Variants in ADAMTSL1 observed in about 807,000 individuals in gnomAD.
The protein encoded by ADAMTSL1 is ADAMTS like 1.
ADAMTSL1 carries 126 observed loss-of-function variants against 201.8 expected under a neutral mutation model. The observed-to-expected ratio is 0.62, with a 90% CI of 0.54 to 0.72. ADAMTSL1 has a LOEUF of 0.72. Among genes scored for constraint, ADAMTSL1 ranks in the 30% least tolerant of loss-of-function variants. The probability of loss-of-function intolerance (pLI) is 0.00; values close to 1 mark genes in which losing one functional copy is unlikely to be tolerated. For synonymous variants in ADAMTSL1, 1,121 were observed against 903.4 expected (o/e 1.24, Z -4.32); for missense variants, 2,679 against 2,277.8 (o/e 1.18, Z -3.59).
At chr9:18,416,077 A>T (rs1818662386) in intron 2 of ADAMTSL1, among the ~76,000 whole-genome samples, 1 of 152,102 alleles carries the variant, frequency 6.6e-6, no homozygotes, top group African/African-American at 2.4e-5. Context: ...AATAAAAATT[A>T]TGACGAATGG....
chr9:18,509,402 G>A (rs1314792423), intron 2 of ADAMTSL1, among the ~76,000 whole-genome samples: 1 of 152,036 alleles, frequency 6.6e-6, no homozygotes, highest in Non-Finnish European at 1.5e-5. Context: ...ACTCTAATTG[G>A]TGTAGCAATT....
chr9:17,958,589 T>C (rs1828017968), intron 1 of ADAMTSL1, among the ~76,000 whole-genome samples: 2 of 152,224 alleles, frequency 1.3e-5, no homozygotes, highest in Admixed American at 1.3e-4. Context: ...CTATTTGTCT[T>C]TAATTACGTT....
At chr9:18,269,881 T>C (rs1286873120) in intron 2 of ADAMTSL1, among the ~76,000 whole-genome samples, 1 of 151,434 alleles carries the variant, frequency 6.6e-6, no homozygotes, top group Non-Finnish European at 1.5e-5. Flanking sequence ...TCCCAACTGC[T>C]TATTTAGATT....
intron 2 of ADAMTSL1, among the ~76,000 whole-genome samples, chr9:18,462,778 A>C (rs1051240259): frequency 1.3e-5 from 2 of 151,926 alleles, no homozygotes; most frequent in Non-Finnish European, 2.9e-5. Flanking sequence ...ATCTCTACTA[A>C]AAATGAAAAA....
chr9:18,040,406 T>G (rs1821382167), intron 1 of ADAMTSL1, among the ~76,000 whole-genome samples: 1 of 152,210 alleles, frequency 6.6e-6, no homozygotes. Flanking sequence ...CTGTTCCTAC[T>G]GACTGGTTGG....
At chr9:18,263,066 T>G (rs1238425043) in intron 2 of ADAMTSL1, among the ~76,000 whole-genome samples, 1 of 152,204 alleles carries the variant, frequency 6.6e-6, no homozygotes, top group East Asian at 1.9e-4. Context: ...AAGTGATTGT[T>G]TCACTAGGAG....
At chr9:17,969,227 T>C (rs1189718606) in intron 1 of ADAMTSL1, among the ~76,000 whole-genome samples, 2 of 152,078 alleles carry the variant, frequency 1.3e-5, no homozygotes, top group African/African-American at 4.8e-5. Context: ...AATTTCTCTC[T>C]GCTATTGGAA....
chr9:18,435,317 A>G (rs1819677829), intron 2 of ADAMTSL1, among the ~76,000 whole-genome samples: 1 of 152,234 alleles, frequency 6.6e-6, no homozygotes, highest in Non-Finnish European at 1.5e-5. Flanking sequence ...GGTAGACTTT[A>G]GCAAATATTC....
intron 13 of ADAMTSL1, among the ~76,000 whole-genome samples, chr9:18,685,634 A>G (rs1331198406): frequency 6.6e-6 from 1 of 152,220 alleles, no homozygotes; most frequent in East Asian, 1.9e-4. Context: ...CCACCCTCCA[A>G]GAGTTAATAG....
chr9:18,676,411 A>G (rs1049718697), intron 10 of ADAMTSL1, among the ~76,000 whole-genome samples: 5 of 152,128 alleles, frequency 3.3e-5, no homozygotes, highest in Non-Finnish European at 7.4e-5. Context: ...CAATTTTTTA[A>G]TATTCTTATT....
intron 2 of ADAMTSL1, among the ~76,000 whole-genome samples, chr9:18,225,263 G>A (rs1246889646): frequency 1.3e-5 from 2 of 152,106 alleles, no homozygotes; most frequent in African/African-American, 4.8e-5. Context: ...AATTTCTCAG[G>A]ACCTGGTTGA....
intron 14 of ADAMTSL1, among the ~76,000 whole-genome samples, chr9:18,716,788 C>A (rs1029925236): frequency 2.8e-5 from 4 of 144,724 alleles, no homozygotes; most frequent in African/African-American, 7.7e-5. Context: ...CACATGCACA[C>A]ATATGTTTAT....
intron 5 of ADAMTSL1, among the ~76,000 whole-genome samples, chr9:18,631,018 T>C (rs901970989): frequency 6.6e-6 from 1 of 152,196 alleles, no homozygotes; most frequent in Non-Finnish European, 1.5e-5. Context: ...AGCACCTGTG[T>C]AGGCAACGGT....
intron 1 of ADAMTSL1, among the ~76,000 whole-genome samples, chr9:18,101,108 C>G (rs1045297595): frequency 3.9e-5 from 6 of 152,128 alleles, no homozygotes; most frequent in African/African-American, 1.4e-4. Context: ...CTCTTAAAGA[C>G]CACCCTAGTT....
intron 7 of ADAMTSL1, among the ~76,000 whole-genome samples, chr9:18,652,436 G>A (rs1407400426): frequency 6.6e-6 from 1 of 150,930 alleles, no homozygotes; most frequent in Non-Finnish European, 1.5e-5. Flanking sequence ...ATCTTGGGTA[G>A]GATTGAAATA....
chr9:18,115,791 A>G (rs1051575239), intron 1 of ADAMTSL1, among the ~76,000 whole-genome samples: 1 of 152,188 alleles, frequency 6.6e-6, no homozygotes, highest in Admixed American at 6.5e-5. Context: ...GTTCGTGGCC[A>G]CATAGCCCGG....
chr9:18,746,807 A>G (rs1588035057), intron 15 of ADAMTSL1, among the ~76,000 whole-genome samples: 1 of 151,404 alleles, frequency 6.6e-6, no homozygotes. Context: ...CTCCTTTTGT[A>G]TAGCTAATAC....
At chr9:18,085,741 A>G (rs1823739103) in intron 1 of ADAMTSL1, among the ~76,000 whole-genome samples, 1 of 151,178 alleles carries the variant, frequency 6.6e-6, no homozygotes, top group Admixed American at 6.6e-5. Flanking sequence ...GGTTATATAT[A>G]TACGTGTATA....
At chr9:18,053,311 C>A (rs1306041571) in intron 1 of ADAMTSL1, among the ~76,000 whole-genome samples, 1 of 151,904 alleles carries the variant, frequency 6.6e-6, no homozygotes, top group Non-Finnish European at 1.5e-5. Context: ...AGGAGACATA[C>A]CTGTCATTAC....
Sources: gnomAD v4.1 joint callset for allele counts (sites outside exome capture counted in the v4.1 genomes callset) on GRCh38, gnomAD v4.1.1 for gene constraint, MANE v1.5 for transcripts, NCBI Gene and HGNC (gene_info 2026-07-23, HGNC 2026-07-21) for gene names.